GALNT13: variants seen among roughly 807,000 people sequenced by gnomAD.
The protein encoded by GALNT13 is UDP-GalNAc:polypeptide N-acetylgalactosaminyltransferase 13.
A neutral mutation model predicts 64.2 loss-of-function variants in GALNT13; 28 were observed. The ratio of observed to expected loss-of-function variants is 0.44; its 90% CI spans 0.32 to 0.60. GALNT13 has a LOEUF of 0.60. GALNT13 is among the 20% of genes least tolerant of loss of function. GALNT13 has a pLI of 0.05. For synonymous variants in GALNT13, 214 were observed against 224.6 expected (o/e 0.95, Z 0.42); for missense variants, 577 against 669.8 (o/e 0.86, Z 1.53).
intron 9 of GALNT13, among the ~76,000 whole-genome samples, chr2:154,377,729 C>A (rs1305877348): frequency 6.6e-6 from 1 of 152,084 alleles, no homozygotes; most frequent in Non-Finnish European, 1.5e-5. Context: ...TCTAGAAGTA[C>A]ATGAAACAGA....
At chr2:153,116,867 T>G in the GALNT13 span, among the ~76,000 whole-genome samples, 3 of 146,360 alleles carry the variant, frequency 2.0e-5, no homozygotes, top group Non-Finnish European at 4.5e-5. Context: ...GGGCGCGATC[T>G]TGGCTCACTG....
chr2:153,678,401 A>G, the GALNT13 span, among the ~76,000 whole-genome samples: 1 of 152,200 alleles, frequency 6.6e-6, no homozygotes, highest in South Asian at 2.1e-4. Flanking sequence ...GCTGGAGGCC[A>G]TTATTGTAAG....
rs189293072 is a variant in GALNT13, at chr2:154,351,571, T to C, written c.1157-44420T>C. Among the ~76,000 whole-genome samples, 1,477 of 151,802 alleles carry C rather than the reference T, an allele frequency of 9.7e-3. 10 individuals are homozygous for C. The highest frequency in any genetic ancestry group is 0.016 in the Non-Finnish European group (1,069 of 67,920). On this transcript the variant is annotated intron_variant, in intron 9 of 12. Transcript: ENST00000392825. ...GGTGGCGGGCACCTGTAGTCCCAGCTACTCTGGAGGCTGAGGCAGGAGAAT... is the reference window on the plus strand; with the variant it reads ...GGTGGCGGGCACCTGTAGTCCCAGCCACTCTGGAGGCTGAGGCAGGAGAAT...
At chr2:153,797,249 A>G in the GALNT13 span, among the ~76,000 whole-genome samples, 1 of 152,202 alleles carries the variant, frequency 6.6e-6, no homozygotes, top group Non-Finnish European at 1.5e-5. Context: ...CTCAGTTTCA[A>G]TCTGAAAGAA....
At chr2:153,671,368 C>A in the GALNT13 span, among the ~76,000 whole-genome samples, 1 of 152,148 alleles carries the variant, frequency 6.6e-6, no homozygotes, top group Non-Finnish European at 1.5e-5. Context: ...AGAAACCTTA[C>A]AAGCCAGAAA....
chr2:153,718,500 C>T, the GALNT13 span, among the ~76,000 whole-genome samples: 21 of 151,362 alleles, frequency 1.4e-4, no homozygotes, highest in Middle Eastern at 3.4e-3. Flanking sequence ...CCTTTAAACT[C>T]AACAGGAATA....
At chr2:154,022,098 G>T (rs553655339) in intron 3 of GALNT13, among the ~76,000 whole-genome samples, 1 of 152,190 alleles carries the variant, frequency 6.6e-6, no homozygotes, top group African/African-American at 2.4e-5. Flanking sequence ...TGCTGGATTC[G>T]GTTTGCCAGT....
chr2:153,515,766 G>T, the GALNT13 span, among the ~76,000 whole-genome samples: 1 of 152,100 alleles, frequency 6.6e-6, no homozygotes, highest in East Asian at 1.9e-4. Flanking sequence ...CAGAAAAAAT[G>T]ATCCAGAAGG....
chr2:154,041,652 T>C lies in GALNT13; in HGVS notation c.142+97013T>C, dbSNP rs1698984181. ...GGGCATTCTGTTAAGAATATACATG[T>C]TTAAACAGACAAAAGAATTTATATA... On this transcript the variant is annotated intron_variant, in intron 3 of 12. Transcript: ENST00000392825. Among the ~76,000 whole-genome samples the C allele has an allele frequency of 2.1e-5, 3 of 140,900 alleles. No homozygotes were observed. In the South Asian group the frequency reaches 6.8e-4, roughly 32 times the overall value. The allele number at this position is 140,900 out of a possible 152,430, so 92.4% of individuals were successfully genotyped here.
the GALNT13 span, among the ~76,000 whole-genome samples, chr2:153,241,647 CTGTGTGTGTATGTGTATGTGTG>C: frequency 7.9e-6 from 1 of 127,146 alleles, no homozygotes; most frequent in Non-Finnish European, 1.8e-5. Context: ...AAGCCAAGTT[CTGTGTGTGTATGTGTATGTGTG>C]TGTGTGTGTA....
intron 4 of GALNT13, among the ~76,000 whole-genome samples, chr2:154,174,254 T>C (rs925081278): frequency 2.0e-5 from 3 of 152,156 alleles, no homozygotes; most frequent in Non-Finnish European, 4.4e-5. Context: ...TTTCAAATGC[T>C]TAATCAAATA....
intron 2 of GALNT13, among the ~76,000 whole-genome samples, chr2:153,942,406 A>G (rs376545458): frequency 9.9e-5 from 15 of 152,236 alleles, no homozygotes; most frequent in East Asian, 9.7e-4. Flanking sequence ...TTTCTACAAT[A>G]AAGTGAAAGG....
the GALNT13 span, among the ~76,000 whole-genome samples, chr2:153,751,549 T>C: frequency 1.3e-5 from 2 of 151,836 alleles, no homozygotes; most frequent in Non-Finnish European, 2.9e-5. Flanking sequence ...GTTATATATT[T>C]TTGCTCTATT....
At chr2:153,962,517 G>A (rs1169452024) in intron 3 of GALNT13, among the ~76,000 whole-genome samples, 2 of 152,176 alleles carry the variant, frequency 1.3e-5, no homozygotes, top group Non-Finnish European at 2.9e-5. Context: ...ATAATGGAAA[G>A]TTTTAAGAGT....
At chr2:153,655,927 CAT>C in the GALNT13 span, among the ~76,000 whole-genome samples, 1 of 152,064 alleles carries the variant, frequency 6.6e-6, no homozygotes, top group Non-Finnish European at 1.5e-5. Context: ...TGATCTGAAA[CAT>C]ATCTAAAAGT....
the GALNT13 span, among the ~76,000 whole-genome samples, chr2:153,655,063 A>C: frequency 1.4e-3 from 210 of 152,234 alleles, 2 homozygotes; most frequent in East Asian, 0.035. Flanking sequence ...TCATATTATC[A>C]ATTTTGATCA....
chr2:154,010,256 G>A (rs1574322001), intron 3 of GALNT13, among the ~76,000 whole-genome samples: 2 of 152,212 alleles, frequency 1.3e-5, no homozygotes, highest in Admixed American at 6.5e-5. Flanking sequence ...TTATTTTGAT[G>A]TATGTTGCTT....
chr2:154,029,534 C>G (rs1242008702), intron 3 of GALNT13, among the ~76,000 whole-genome samples: 2 of 152,048 alleles, frequency 1.3e-5, no homozygotes, highest in Admixed American at 1.3e-4. Flanking sequence ...TAGCTTAACT[C>G]CTGAGTAGAA....
At chr2:154,208,066 T>A (rs181087077) in intron 4 of GALNT13, among the ~76,000 whole-genome samples, 1 of 152,296 alleles carries the variant, frequency 6.6e-6, no homozygotes, top group Admixed American at 6.5e-5. Flanking sequence ...ATGTTATCAA[T>A]TTTTCATAAG....
Sources: gnomAD v4.1 joint callset for allele counts (sites outside exome capture counted in the v4.1 genomes callset) on GRCh38, gnomAD v4.1.1 for gene constraint, MANE v1.5 for transcripts, NCBI Gene and HGNC (gene_info 2026-07-23, HGNC 2026-07-21) for gene names.